The following FNIP1 variants were observed in gnomAD, a reference collection of about 807,000 sequenced individuals.
The protein encoded by FNIP1 is folliculin interacting protein 1, also known as folliculin-interacting protein 1.
Under a neutral mutation model 124.5 loss-of-function variants are expected in FNIP1, and 40 were observed. The observed-to-expected ratio is 0.32, with a 90% CI of 0.25 to 0.42. The LOEUF (loss-of-function observed/expected upper bound fraction) is 0.42, where lower values mean the gene tolerates loss of function less well. FNIP1 is among the 10% of genes least tolerant of loss of function. The pLI is 1.00. For missense variants in FNIP1, 1,176 were observed against 1,403.7 expected (o/e 0.84, Z 2.59); for synonymous variants, 472 against 470.6 (o/e 1.00, Z -0.04).
intron 11 of FNIP1, among the ~76,000 whole-genome samples, chr5:131,693,337 T>TATATATATATATATAC (rs1768568435): frequency 8.5e-6 from 1 of 118,306 alleles, no homozygotes; most frequent in African/African-American, 3.4e-5. Context: ...TATATACATA[T>TATATATATATATATAC]ATATATATAT....
Position 131,731,114 on chromosome 5 carries a change from C to G in FNIP1, c.220-76G>C, listed in dbSNP as rs1770074220. On this transcript the variant is annotated intron_variant, in intron 2 of 17. Coordinates refer to ENST00000510461, the MANE Select transcript of FNIP1 (RefSeq NM_133372.3). ...ACAAATTTCATCAAAGTATAAAAACCTTTGGAAAAACCAAGAATGAAATAA... is the reference window on the plus strand; with the variant it reads ...ACAAATTTCATCAAAGTATAAAAACGTTTGGAAAAACCAAGAATGAAATAA... 3 of 1,404,372 alleles carry G rather than the reference C, an allele frequency of 2.1e-6. No individual in the cohort carries two copies. The Admixed American group carries it at 7.5e-5, about 35-fold the overall frequency. The allele number at this position is 1,404,372 out of a possible 1,614,324, so 87.0% of individuals were successfully genotyped here. A position where few individuals can be genotyped will look rare whatever the true frequency, so the allele number is the denominator to read the frequency against.
At chr5:131,761,640 G>A (rs556684087) in intron 1 of FNIP1, among the ~76,000 whole-genome samples, 80 of 152,108 alleles carry the variant, frequency 5.3e-4, no homozygotes, top group African/African-American at 1.7e-3. Flanking sequence ...CATACTCCAT[G>A]TTCACAGATT....
intron 11 of FNIP1, among the ~76,000 whole-genome samples, chr5:131,683,128 T>C (rs530501543): frequency 1.3e-5 from 2 of 152,352 alleles, no homozygotes; most frequent in African/African-American, 4.8e-5. Context: ...ATGTCATTGT[T>C]AATTTTAAAT....
chr5:131,720,323 A>AT (rs1197612689), intron 3 of FNIP1, among the ~76,000 whole-genome samples: 5 of 152,194 alleles, frequency 3.3e-5, no homozygotes, highest in Non-Finnish European at 7.4e-5. Flanking sequence ...CTGGTGTCCT[A>AT]TATCATGCAC....
At chr5:131,723,193 T>C (rs569292989) in intron 3 of FNIP1, among the ~76,000 whole-genome samples, 2 of 152,326 alleles carry the variant, frequency 1.3e-5, no homozygotes, top group South Asian at 2.1e-4. Context: ...CCAGTATTAC[T>C]TGGCAACCTA....
chr5:131,723,124 T>G (rs1769731554), intron 3 of FNIP1, among the ~76,000 whole-genome samples: 1 of 152,172 alleles, frequency 6.6e-6, no homozygotes, highest in Non-Finnish European at 1.5e-5. Flanking sequence ...GAGAACAACA[T>G]TTCAGAAAAG....
chr5:131,739,763 A>C (rs1341064726), intron 2 of FNIP1, among the ~76,000 whole-genome samples: 1 of 138,508 alleles, frequency 7.2e-6, no homozygotes, highest in Non-Finnish European at 1.5e-5. Context: ...TAGTGAGCTG[A>C]GATTGCGCCG....
Position 131,784,754 on chromosome 5 carries a change from C to T in FNIP1, c.92+12076G>A, listed in dbSNP as rs377314334. Among the ~76,000 whole-genome samples, 146 of 151,086 alleles carry T rather than the reference C, an allele frequency of 9.7e-4. No homozygotes were observed. In the Middle Eastern group the frequency reaches 0.014, roughly 14 times the overall value. On this transcript the variant is annotated intron_variant, in intron 1 of 17. Transcript: ENST00000510461. ...GGAAGATCACTTGAGCCCAGATGAT[C>T]GAGGCTGCACTGAGCCATGACCACG...
In FNIP1 at chr5:131,646,985, T is replaced by C. The variant is rs184926734; in HGVS notation, c.3422+105A>G. ...CTAAATGATAACAGCCTCCAGCTTCTAATAGGAGAAGACACGTAAAAGGAA... is the reference window on the plus strand; with the variant it reads ...CTAAATGATAACAGCCTCCAGCTTCCAATAGGAGAAGACACGTAAAAGGAA... On this transcript the variant is annotated intron_variant, in intron 17 of 17. Transcript: ENST00000510461. 1,738 of 928,010 alleles carry C rather than the reference T, an allele frequency of 1.9e-3. 6 individuals are homozygous for C. Among genetic ancestry groups the C allele is most frequent in the Admixed American group, 5.4e-3 (267 of 49,590 alleles). 57.5% of individuals were successfully genotyped at this position (928,010 alleles called of 1,614,324 possible).
intron 11 of FNIP1, among the ~76,000 whole-genome samples, chr5:131,692,316 AC>A (rs968468567): frequency 6.6e-6 from 1 of 150,504 alleles, no homozygotes; most frequent in African/African-American, 2.4e-5. Flanking sequence ...CCTCCCCCTG[AC>A]CCCCCCAAAA....
chr5:131,672,622 A>T lies in FNIP1; in HGVS notation c.1822T>A (p.Cys608Ser). ...KESEEIRTPN[C>S]NCKYCSHPLL... The stretch of plus-strand genomic sequence containing the variant: ...GGATGACTGCAATATTTACAGTTAC[A>T]ATTGGGAGTTCTAATTTCTTCTGAC... The change falls in exon 14 of 18, where the codon TGT becomes AGT. Residue 608 changes from cysteine to serine, a missense_variant. This residue lies in a region of FNIP1 where 1,109 missense variants were observed against 1,288.5 expected (regional missense o/e 0.86). Coordinates refer to ENST00000510461, the MANE Select transcript of FNIP1 (RefSeq NM_133372.3). 1 of 1,614,150 alleles carries T rather than the reference A, an allele frequency of 6.2e-7. No homozygotes were observed. The highest frequency in any genetic ancestry group is 8.5e-7 in the Non-Finnish European group (1 of 1,180,040).
At chr5:131,712,419 G>A (rs892084675) in intron 6 of FNIP1, among the ~76,000 whole-genome samples, 6 of 151,868 alleles carry the variant, frequency 4.0e-5, no homozygotes, top group Admixed American at 1.3e-4. Context: ...TTGGGTCCCC[G>A]AGACTTTCAG....
intron 2 of FNIP1, among the ~76,000 whole-genome samples, chr5:131,739,486 G>A (rs1770434159): frequency 6.6e-6 from 1 of 152,070 alleles, no homozygotes; most frequent in Non-Finnish European, 1.5e-5. Context: ...CCTCTATTTT[G>A]TTCCATTAGT....
At chr5:131,735,964 A>G (rs1171352930) in intron 2 of FNIP1, among the ~76,000 whole-genome samples, 5 of 152,102 alleles carry the variant, frequency 3.3e-5, no homozygotes, top group African/African-American at 4.8e-5. Flanking sequence ...ATGAGGTCTC[A>G]TTATGTTGCC....
chr5:131,783,143 T>C (rs1024400256), intron 1 of FNIP1, among the ~76,000 whole-genome samples: 1 of 152,172 alleles, frequency 6.6e-6, no homozygotes, highest in Non-Finnish European at 1.5e-5. Context: ...GAACATGCAA[T>C]ATCACCTGTG....
chr5:131,710,552 G>C, intron 7 of FNIP1, 26 bp downstream of exon 7: 1 of 1,608,494 alleles, frequency 6.2e-7, no homozygotes, highest in Non-Finnish European at 8.5e-7. Context: ...ACACCAACTA[G>C]TCTACCCACA....
At chr5:131,716,078 T>C (rs1326689368) in intron 6 of FNIP1, among the ~76,000 whole-genome samples, 1 of 152,192 alleles carries the variant, frequency 6.6e-6, no homozygotes, top group Non-Finnish European at 1.5e-5. Flanking sequence ...ACCAAAGTAC[T>C]AAATAAATTG....
intron 3 of FNIP1, among the ~76,000 whole-genome samples, chr5:131,720,646 C>A (rs1769626706): frequency 6.6e-6 from 1 of 152,108 alleles, no homozygotes; most frequent in South Asian, 2.1e-4. Context: ...CAAAATGTAC[C>A]AGAAACCCCT....
At chr5:131,657,132 T>C (rs1405244866) in intron 15 of FNIP1, among the ~76,000 whole-genome samples, 2 of 149,150 alleles carry the variant, frequency 1.3e-5, no homozygotes, top group Non-Finnish European at 3.0e-5. Context: ...GACTCTCAAG[T>C]AGCTGGGACT....
Sources: allele counts gnomAD v4.1 joint callset (sites outside exome capture counted in the v4.1 genomes callset), GRCh38; gene constraint gnomAD v4.1.1; regional missense constraint gnomAD v4.1.1; transcripts MANE v1.5; gene names NCBI Gene and HGNC (gene_info 2026-07-23, HGNC 2026-07-21).